The following RANBP2 variants were observed in gnomAD, a reference collection of about 807,000 sequenced individuals.
The protein encoded by RANBP2 is RAN binding protein 2, also known as E3 SUMO-protein ligase RanBP2.
In RANBP2, 57 loss-of-function variants were observed where a neutral mutation model predicts 303.6. The ratio of observed to expected loss-of-function variants is 0.19; its 90% CI spans 0.15 to 0.23. RANBP2 has a LOEUF of 0.23. RANBP2 is among the 10% of genes least tolerant of loss of function. The pLI is 1.00. For synonymous variants in RANBP2, 1,167 were observed against 1,301.5 expected, an observed-to-expected ratio of 0.90 and a Z score of 2.23; for missense variants, 3,138 against 3,780.8, an observed-to-expected ratio of 0.83 and a Z score of 4.46.
the RANBP2 span, among the ~76,000 whole-genome samples, chr2:109,435,725 C>T: frequency 1.1e-4 from 16 of 152,330 alleles, no homozygotes; most frequent in South Asian, 3.3e-3. Context: ...GTCAATATCA[C>T]CTTGCAAATT....
chr2:109,014,162 A>C, the RANBP2 span, among the ~76,000 whole-genome samples: 11 of 152,242 alleles, frequency 7.2e-5, no homozygotes, highest in Non-Finnish European at 1.5e-4. Context: ...CCTGCTAGAT[A>C]ATAATGGTCT....
the RANBP2 span, among the ~76,000 whole-genome samples, chr2:108,921,604 G>T: frequency 6.6e-6 from 1 of 152,224 alleles, no homozygotes; most frequent in African/African-American, 2.4e-5. Flanking sequence ...CTGTGTGTGT[G>T]GGTCTTAGTG....
At chr2:108,990,582 C>T in the RANBP2 span, among the ~76,000 whole-genome samples, 499 of 151,994 alleles carry the variant, frequency 3.3e-3, 2 homozygotes, top group African/African-American at 0.011. Context: ...GGCAACAGAG[C>T]GAGAATCTGT....
chr2:109,396,732 G>A, the RANBP2 span, among the ~76,000 whole-genome samples: 1 of 152,182 alleles, frequency 6.6e-6, no homozygotes. Context: ...GGCCCCTCCT[G>A]GCACCTGCGG....
the RANBP2 span, among the ~76,000 whole-genome samples, chr2:108,820,643 A>C: frequency 1.3e-5 from 2 of 149,992 alleles, no homozygotes. Context: ...ATTTCAGCAG[A>C]TTTCTCAGCA....
At chr2:109,170,256 T>TCTCTTCTCTTCTC in the RANBP2 span, among the ~76,000 whole-genome samples, 1 of 30,732 alleles carries the variant, frequency 3.3e-5, no homozygotes, top group African/African-American at 1.0e-4. Flanking sequence ...TCTCTTCTCT[T>TCTCTTCTCTTCTC]CTCTTCTCTT....
At chr2:108,833,340 A>G in the RANBP2 span, among the ~76,000 whole-genome samples, 1 of 152,238 alleles carries the variant, frequency 6.6e-6, no homozygotes, top group Non-Finnish European at 1.5e-5. Context: ...AGGTGGGAGT[A>G]GGACATGGGG....
chr2:109,661,811 A>G, the RANBP2 span, among the ~76,000 whole-genome samples: 1 of 152,208 alleles, frequency 6.6e-6, no homozygotes, highest in Non-Finnish European at 1.5e-5. Context: ...TAATGTCCCC[A>G]GTAAAGCCTG....
the RANBP2 span, among the ~76,000 whole-genome samples, chr2:109,735,732 G>C: frequency 6.6e-6 from 1 of 152,028 alleles, no homozygotes; most frequent in Non-Finnish European, 1.5e-5. Context: ...CAACAAACAA[G>C]TAAATTTTGT....
At chr2:109,522,174 G>C in the RANBP2 span, among the ~76,000 whole-genome samples, 1 of 152,012 alleles carries the variant, frequency 6.6e-6, no homozygotes, top group Non-Finnish European at 1.5e-5. Flanking sequence ...GACTTTGAGT[G>C]GGGTATTTTG....
chr2:109,643,697 G>A, the RANBP2 span, among the ~76,000 whole-genome samples: 1 of 152,020 alleles, frequency 6.6e-6, no homozygotes, highest in Non-Finnish European at 1.5e-5. Context: ...CCCAGGAGGT[G>A]GAGGTTGCAG....
chr2:109,709,260 C>T, the RANBP2 span, among the ~76,000 whole-genome samples: 3 of 147,702 alleles, frequency 2.0e-5, no homozygotes, highest in Non-Finnish European at 3.0e-5. Flanking sequence ...GGGCTGAGAT[C>T]GCACCATTGC....
chr2:108,823,927 A>G, the RANBP2 span, among the ~76,000 whole-genome samples: 1 of 151,984 alleles, frequency 6.6e-6, no homozygotes, highest in African/African-American at 2.4e-5. Flanking sequence ...CAGTGAGCCA[A>G]GATCGCGCCA....
At chr2:108,749,238 G>A (rs1573760680) in intron 9 of RANBP2, 109 bp downstream of exon 9, 1 of 1,557,222 alleles carries the variant, frequency 6.4e-7, no homozygotes, top group Non-Finnish European at 8.8e-7. Flanking sequence ...TTCCTTTTGT[G>A]TGTGGGTTGG....
chr2:108,764,024 A>T lies in RANBP2; in HGVS notation c.3485A>T (p.His1162Leu), dbSNP rs1306184111. Residue 1162 changes from histidine to leucine, a missense_variant, in exon 20 of 29, where the codon CAT becomes CTT. Physicochemically the swap from His to Leu is moderately conservative, Grantham distance 99. This residue lies in a region of RANBP2 where 403 missense variants were observed against 376.7 expected (regional missense o/e 1.07). Coordinates refer to ENST00000283195, the MANE Select transcript of RANBP2 (RefSeq NM_006267.5). The part of the protein sequence containing the change: ...KNHETDGGSA[H>L]GDDDDDGPHF... ...CATGAGACAGATGGAGGAAGTGCCC[A>T]TGGGGATGATGATGATGACGGTCCT... 8.1e-6 allele frequency: 13 copies of T among 1,613,830 alleles called. No individual in the cohort carries two copies. Among genetic ancestry groups the T allele is most frequent in the Non-Finnish European group, 1.1e-5 (13 of 1,179,868 alleles).
the RANBP2 span, among the ~76,000 whole-genome samples, chr2:109,146,079 G>A: frequency 6.7e-6 from 1 of 149,450 alleles, no homozygotes; most frequent in Non-Finnish European, 1.5e-5. Context: ...AGTGCTGAGA[G>A]AGGTACCAGC....
intron 4 of RANBP2, 111 bp downstream of exon 4, chr2:108,731,585 T>G: frequency 6.4e-7 from 1 of 1,565,482 alleles, no homozygotes; most frequent in Non-Finnish European, 8.6e-7. Context: ...TAGTGTTTCC[T>G]TTAAAAATTT....
At chr2:109,467,779 T>C in the RANBP2 span, among the ~76,000 whole-genome samples, 1 of 152,224 alleles carries the variant, frequency 6.6e-6, no homozygotes, top group Admixed American at 6.5e-5. Context: ...TTGCCTGATC[T>C]GACCGTTCTG....
chr2:109,722,778 A>G, the RANBP2 span, among the ~76,000 whole-genome samples: 1 of 152,210 alleles, frequency 6.6e-6, no homozygotes, highest in Non-Finnish European at 1.5e-5. Flanking sequence ...AATGGCTTCC[A>G]AATCCATCTA....
Sources: allele counts gnomAD v4.1 joint callset (sites outside exome capture counted in the v4.1 genomes callset), GRCh38; gene constraint gnomAD v4.1.1; regional missense constraint gnomAD v4.1.1; transcripts MANE v1.5; gene names NCBI Gene and HGNC (gene_info 2026-07-23, HGNC 2026-07-21).